IQCE: variants seen among roughly 807,000 people sequenced by gnomAD.
IQCE encodes IQ motif containing E, also known as IQ domain-containing protein E.
In IQCE, 115 loss-of-function variants were observed where a neutral mutation model predicts 96.0. That is an observed-to-expected ratio of 1.20 (90% CI 1.03 to 1.40). IQCE has a LOEUF of 1.40. Ranked by LOEUF, IQCE falls within the 40% of genes most tolerant of loss-of-function variation. The pLI is 0.00. For synonymous variants in IQCE, 412 were observed against 371.2 expected, an observed-to-expected ratio of 1.11 and a Z score of -1.26; for missense variants, 1,041 against 909.1, an observed-to-expected ratio of 1.15 and a Z score of -1.87.
At chr7:2,592,106 A>T (rs889900584) in intron 14 of IQCE, among the ~76,000 whole-genome samples, 2 of 152,084 alleles carry the variant, frequency 1.3e-5, no homozygotes, top group Admixed American at 1.3e-4. Context: ...ATCTGTGTGT[A>T]CTTTAGGGAC....
chr7:2,609,277 A>G (rs887236749), intron 21 of IQCE, among the ~76,000 whole-genome samples: 1 of 150,474 alleles, frequency 6.6e-6, no homozygotes, highest in Non-Finnish European at 1.5e-5. Context: ...CCTGCCCTCT[A>G]TACCAGTGGC....
chr7:2,595,601 G>A (rs937824336), intron 16 of IQCE, among the ~76,000 whole-genome samples: 6 of 152,208 alleles, frequency 3.9e-5, no homozygotes, highest in African/African-American at 7.2e-5. Flanking sequence ...CTGTGGCTCC[G>A]AGGTCCCTGG....
intron 20 of IQCE, 115 bp from the exon 21 acceptor site, chr7:2,607,009 G>A: frequency 6.2e-6 from 6 of 971,556 alleles, no homozygotes; most frequent in Non-Finnish European, 9.1e-6. Context: ...CTGGCTCTGT[G>A]TTTGCTTTCA....
chr7:2,596,574 C>T (rs1160388153), intron 16 of IQCE, among the ~76,000 whole-genome samples: 1 of 152,166 alleles, frequency 6.6e-6, no homozygotes, highest in African/African-American at 2.4e-5. Flanking sequence ...TCAGCATTCA[C>T]ATGGGAATGA....
chr7:2,596,020 G>T (rs1784010131), intron 16 of IQCE, among the ~76,000 whole-genome samples: 1 of 152,248 alleles, frequency 6.6e-6, no homozygotes, highest in African/African-American at 2.4e-5. Context: ...CCTTCAGAAG[G>T]CAGATGTGAG....
chr7:2,579,581 A>C (rs993279785), intron 8 of IQCE, among the ~76,000 whole-genome samples: 3 of 152,216 alleles, frequency 2.0e-5, no homozygotes, highest in African/African-American at 4.8e-5. Context: ...TACATGTTTA[A>C]AGTAGATGGT....
chr7:2,589,983 C>T lies in IQCE; in HGVS notation c.1121C>T (p.Ser374Phe), dbSNP rs1259681891. The change falls in exon 14 of 22, where the codon TCC (serine) becomes TTC (phenylalanine). Residue 374 changes from serine (S) to phenylalanine (F), a missense_variant. Transcript: ENST00000402050. ...VRSHPPACLA[S>F]SSALHRQPRG... ...TCACACCCGCCAGCCTGCCTTGCAT[C>T]CAGCTCTGCGCTGCACAGACAGCCA... The T allele has an allele frequency of 2.5e-6, 4 of 1,613,872 alleles. No homozygotes were observed. In the African/African-American group the frequency reaches 5.3e-5, roughly 22 times the overall value.
Position 2,561,022 on chromosome 7 carries a change from A to G in IQCE, c.36+1805A>G, listed in dbSNP as rs1383236677. Among the ~76,000 whole-genome samples, 11 of 150,174 alleles carry G rather than the reference A, an allele frequency of 7.3e-5. No homozygotes were observed. In the East Asian group the frequency reaches 2.0e-3, roughly 27 times the overall value. ...ACCCAGGCTGGAGTGCAATGATGCCATCTCAGATCACTGCAGTCTCTGCCT... is the reference window on the plus strand; with the variant it reads ...ACCCAGGCTGGAGTGCAATGATGCCGTCTCAGATCACTGCAGTCTCTGCCT... On this transcript the variant is annotated intron_variant, in intron 1 of 21. Coordinates refer to ENST00000402050, the MANE Select transcript of IQCE (RefSeq NM_152558.5).
At chr7:2,582,314 G>C (rs931444166) in intron 8 of IQCE, among the ~76,000 whole-genome samples, 1 of 152,158 alleles carries the variant, frequency 6.6e-6, no homozygotes, top group Admixed American at 6.5e-5. Flanking sequence ...GCTTGGGGGA[G>C]GGCTGCCAGT....
chr7:2,583,755 G>C (rs1325699740), intron 10 of IQCE, 46 bp downstream of exon 10: 3 of 569,880 alleles, frequency 5.3e-6, no homozygotes, highest in South Asian at 1.8e-5. Flanking sequence ...ACCGAGCTGG[G>C]CGGCGGGGCG....
chr7:2,591,474 C>T (rs1385088108), intron 14 of IQCE, among the ~76,000 whole-genome samples: 1 of 152,118 alleles, frequency 6.6e-6, no homozygotes, highest in African/African-American at 2.4e-5. Flanking sequence ...CTCTAGTTTG[C>T]AAGAACTACA....
At chr7:2,585,116 A>G (rs1250277230) in intron 11 of IQCE, among the ~76,000 whole-genome samples, 1 of 150,662 alleles carries the variant, frequency 6.6e-6, no homozygotes, top group Non-Finnish European at 1.5e-5. Context: ...GCTCACTGCA[A>G]CCTCTGCCTC....
intron 1 of IQCE, among the ~76,000 whole-genome samples, chr7:2,561,725 A>G (rs1780980295): frequency 6.6e-6 from 1 of 152,098 alleles, no homozygotes; most frequent in Non-Finnish European, 1.5e-5. Context: ...CCGGCCTTAC[A>G]ATAATATTTT....
At chr7:2,577,197 G>GGTGTGGTGTGCGTGGCTGT (rs371512170) in intron 6 of IQCE, among the ~76,000 whole-genome samples, 1 of 152,210 alleles carries the variant, frequency 6.6e-6, no homozygotes, top group Non-Finnish European at 1.5e-5. Flanking sequence ...GCCTGTGCGC[G>GGTGTGGTGTGCGTGGCTGT]GTGTGGTGTG....
intron 19 of IQCE, among the ~76,000 whole-genome samples, chr7:2,605,636 G>GTAAGTAAA (rs1554319663): frequency 1.4e-3 from 209 of 148,940 alleles, no homozygotes; most frequent in African/African-American, 4.7e-3. Flanking sequence ...AAATAAATAA[G>GTAAGTAAA]TAAATAAATA....
At position 2,567,491 on chromosome 7, in the gene IQCE, C is replaced by T. The variant is rs548499581; in HGVS notation, c.84+328C>T. 3.9e-5 allele frequency among the ~76,000 whole-genome samples: 6 copies of T among 152,308 alleles called. No individual in the cohort carries two copies. In the South Asian group the frequency reaches 1.2e-3, roughly 32 times the overall value. On this transcript the variant is annotated intron_variant, in intron 2 of 21. Transcript: ENST00000402050. The stretch of plus-strand genomic sequence containing the variant: ...GGGAGGAGGAGAGCCCCTGCTAATG[C>T]CGTCGGAAGGACCCGATGGGAGAAA...
At chr7:2,579,729 G>GTGTGTC (rs201362185) in intron 8 of IQCE, among the ~76,000 whole-genome samples, 23,016 of 147,758 alleles carry the variant, frequency 0.16, 2,278 homozygotes, top group Admixed American at 0.19. Context: ...GTGTGTGTGT[G>GTGTGTC]TGTGTGTGTC....
rs1562694588 is a variant in IQCE at position 2,614,112 on chromosome 7, A to T, written c.*3950A>T. On this transcript the variant is annotated 3_prime_UTR_variant, in exon 22 of 22. Coordinates refer to ENST00000402050, the MANE Select transcript of IQCE (RefSeq NM_152558.5). ...CCTTGATCCCTCCGATGGACCAGAAACCCCCTTCCTTGCAAAAAAAAGGCA... is the reference window on the plus strand; with the variant it reads ...CCTTGATCCCTCCGATGGACCAGAATCCCCCTTCCTTGCAAAAAAAAGGCA... The T allele has an allele frequency of 6.7e-6, 1 of 150,178 alleles. No homozygotes were observed. Among genetic ancestry groups the T allele is most frequent in the Non-Finnish European group, 1.5e-5 (1 of 67,536 alleles). 9.3% of individuals were successfully genotyped at this position (150,178 alleles called of 1,614,324 possible). A position where few individuals can be genotyped will look rare whatever the true frequency, so the allele number is the denominator to read the frequency against.
intron 1 of IQCE, among the ~76,000 whole-genome samples, chr7:2,560,041 T>G (rs951094879): frequency 6.6e-6 from 1 of 151,784 alleles, no homozygotes; most frequent in African/African-American, 2.4e-5. Context: ...CTGCCTGTAG[T>G]CCCAACTACT....
Sources: allele counts gnomAD v4.1 joint callset (sites outside exome capture counted in the v4.1 genomes callset), GRCh38; gene constraint gnomAD v4.1.1; transcripts MANE v1.5; gene names NCBI Gene and HGNC (gene_info 2026-07-23, HGNC 2026-07-21).